The following STK3 variants were observed in gnomAD, a reference collection of about 807,000 sequenced individuals.
STK3 encodes serine/threonine kinase 3.
A neutral mutation model predicts 58.0 loss-of-function variants in STK3; 41 were observed. The observed-to-expected ratio is 0.71, with a 90% CI of 0.55 to 0.92. STK3 has a LOEUF of 0.92. Among genes scored for constraint, STK3 ranks in the 40% least tolerant of loss-of-function variants. The pLI, the probability that STK3 is intolerant of heterozygous loss-of-function variation, is 0.00. For synonymous variants in STK3, 170 were observed against 191.0 expected (o/e 0.89, Z 0.91); for missense variants, 479 against 602.7 (o/e 0.79, Z 2.15).
the STK3 span, among the ~76,000 whole-genome samples, chr8:98,364,637 T>C: frequency 3.3e-5 from 5 of 152,200 alleles, no homozygotes; most frequent in Non-Finnish European, 7.3e-5. Context: ...TTCCTTTAGC[T>C]CTTAGGCTGC....
intron 10 of STK3, among the ~76,000 whole-genome samples, chr8:98,514,545 A>C (rs1824780470): frequency 6.7e-6 from 1 of 148,538 alleles, no homozygotes; most frequent in African/African-American, 2.5e-5. Flanking sequence ...CCTCCCCACA[A>C]AAAAAAAAAA....
intron 10 of STK3, among the ~76,000 whole-genome samples, chr8:98,521,637 AGCTTTCACCC>A (rs1266714742): frequency 2.6e-5 from 4 of 152,066 alleles, no homozygotes; most frequent in Non-Finnish European, 4.4e-5. Context: ...TAACCTTGCA[AGCTTTCACCC>A]TCTGATCTGG....
At chr8:98,847,016 A>G (rs928543423) in intron 3 of STK3, among the ~76,000 whole-genome samples, 1 of 152,206 alleles carries the variant, frequency 6.6e-6, no homozygotes, top group African/African-American at 2.4e-5. Flanking sequence ...TGTGCTCTAA[A>G]GTCCCAGAAT....
At chr8:98,500,543 T>C (rs1378854827) in intron 10 of STK3, among the ~76,000 whole-genome samples, 2 of 152,006 alleles carry the variant, frequency 1.3e-5, no homozygotes, top group Non-Finnish European at 2.9e-5. Context: ...CCCCCATGTG[T>C]GATGTTCCCC....
chr8:98,816,013 A>C (rs1834518375), intron 1 of STK3, among the ~76,000 whole-genome samples: 1 of 152,156 alleles, frequency 6.6e-6, no homozygotes, highest in Admixed American at 6.5e-5. Context: ...ACAATGCCTA[A>C]GGGATCGAAC....
intron 3 of STK3, among the ~76,000 whole-genome samples, chr8:98,404,596 C>T (rs1233402225): frequency 1.4e-5 from 2 of 147,048 alleles, no homozygotes; most frequent in Non-Finnish European, 3.0e-5. Flanking sequence ...AGGAGAATGG[C>T]GTGAACCCGG....
intron 6 of STK3, among the ~76,000 whole-genome samples, chr8:98,614,798 G>A (rs192903446): frequency 6.6e-6 from 1 of 152,162 alleles, no homozygotes; most frequent in African/African-American, 2.4e-5. Context: ...CACCTGGCTT[G>A]GAGGGTCCTA....
At chr8:98,629,816 C>A (rs922730910) in intron 6 of STK3, among the ~76,000 whole-genome samples, 5 of 152,176 alleles carry the variant, frequency 3.3e-5, no homozygotes, top group Non-Finnish European at 7.4e-5. Context: ...CAAACTACCC[C>A]TCCTTGAGTG....
chr8:98,898,015 C>T (rs866139071), intron 1 of STK3, among the ~76,000 whole-genome samples: 3 of 152,178 alleles, frequency 2.0e-5, no homozygotes, highest in African/African-American at 4.8e-5. Flanking sequence ...TTCTGGGCCT[C>T]GGTTTTCCTC....
upstream of STK3, chr8:98,391,319 C>T (rs936204630): frequency 2.6e-5 from 4 of 152,234 alleles, no homozygotes; most frequent in African/African-American, 4.8e-5. Flanking sequence ...CCCCTAGGTT[C>T]TTCCCCTAGT....
At chr8:98,401,966 G>A (rs1367343091) in intron 3 of STK3, among the ~76,000 whole-genome samples, 1 of 152,052 alleles carries the variant, frequency 6.6e-6, no homozygotes, top group East Asian at 1.9e-4. Flanking sequence ...AAAGAAGAAA[G>A]TAAAAATTAC....
intron 10 of STK3, among the ~76,000 whole-genome samples, chr8:98,525,282 G>A (rs567279267): frequency 6.6e-6 from 1 of 152,290 alleles, no homozygotes; most frequent in South Asian, 2.1e-4. Flanking sequence ...GGTGAGAGGG[G>A]AAGAAGGGAG....
Position 98,916,125 on chromosome 8 carries a change from C to T in STK3, c.-79+26253G>A, listed in dbSNP as rs145434390. Among the ~76,000 whole-genome samples, 68 of 152,152 alleles carry T rather than the reference C, an allele frequency of 4.5e-4. No homozygotes were observed. The East Asian group carries it at 0.01, about 23-fold the overall frequency. ...TGTTAAAACCCCGTTTAAAAAAATA[C>T]GAAAACTGGCCCGTCGTGGTGGCTC... On this transcript the variant is annotated intron_variant, in intron 1 of 1. Coordinates refer to the STK3 transcript ENST00000519420.
intron 6 of STK3, among the ~76,000 whole-genome samples, chr8:98,672,318 G>T (rs1362608138): frequency 1.3e-5 from 2 of 152,178 alleles, no homozygotes; most frequent in South Asian, 4.1e-4. Flanking sequence ...GGGGCTTGAG[G>T]TCTCAAAGAG....
At chr8:98,569,883 C>A (rs1271366132) in intron 8 of STK3, among the ~76,000 whole-genome samples, 1 of 146,672 alleles carries the variant, frequency 6.8e-6, no homozygotes, top group Non-Finnish European at 1.5e-5. Flanking sequence ...AGTAAATGTT[C>A]TTTACTGGTT....
chr8:98,402,357 G>C (rs960836975), intron 3 of STK3, among the ~76,000 whole-genome samples: 3 of 152,216 alleles, frequency 2.0e-5, no homozygotes, highest in African/African-American at 7.2e-5. Flanking sequence ...TCTTGAGCCA[G>C]ATCTAGCATC....
At chr8:98,650,713 A>G (rs947794522) in intron 6 of STK3, among the ~76,000 whole-genome samples, 4 of 152,182 alleles carry the variant, frequency 2.6e-5, no homozygotes, top group Non-Finnish European at 5.9e-5. Context: ...GGAGGGTCCT[A>G]CGCCCACGGA....
rs778049177 is a variant in STK3 at position 98,562,737 on chromosome 8, G to GAAAAAAAA, written c.949-14584_949-14577dup. Among the ~76,000 whole-genome samples, 24 of 17,386 alleles carry GAAAAAAAA rather than the reference G, an allele frequency of 1.4e-3. 8 individuals are homozygous for GAAAAAAAA. The highest frequency in any genetic ancestry group is 5.8e-3 in the African/African-American group (20 of 3,434). The allele number at this position is 17,386 out of a possible 152,430, so 11.4% of individuals were successfully genotyped here. A position where few individuals can be genotyped will look rare whatever the true frequency, so the allele number is the denominator to read the frequency against. ...TAAGACTCCCATCTCCACAAAAAAT[G>GAAAAAAAA]AAAAAAAAAAAAAAAAAAAAAAAAA... is the stretch of plus-strand genomic sequence containing the variant. On this transcript the variant is annotated intron_variant, in intron 8 of 10. Coordinates refer to ENST00000419617, the MANE Select transcript of STK3 (RefSeq NM_006281.4).
chr8:98,775,497 G>C (rs1831617658), intron 1 of STK3, among the ~76,000 whole-genome samples: 2 of 152,210 alleles, frequency 1.3e-5, no homozygotes, highest in Admixed American at 1.3e-4. Flanking sequence ...ACGGAGCCAA[G>C]ACTGTGCATT....
Sources: allele counts gnomAD v4.1 joint callset (sites outside exome capture counted in the v4.1 genomes callset), GRCh38; gene constraint gnomAD v4.1.1; transcripts MANE v1.5; gene names NCBI Gene and HGNC (gene_info 2026-07-23, HGNC 2026-07-21).